The following ALCAM variants were observed in gnomAD, a reference collection of about 807,000 sequenced individuals.
The protein encoded by ALCAM is CD166 antigen.
In ALCAM, 30 loss-of-function variants were observed where a neutral mutation model predicts 70.9. That is an observed-to-expected ratio of 0.42 (90% CI 0.32 to 0.57). ALCAM has a LOEUF of 0.57. Ranked by LOEUF, ALCAM falls within the 20% of genes least tolerant of loss-of-function variation. The pLI, the probability that ALCAM is intolerant of heterozygous loss-of-function variation, is 0.11. For synonymous variants in ALCAM, 249 were observed against 242.5 expected (o/e 1.03, Z -0.25); for missense variants, 591 against 695.1 (o/e 0.85, Z 1.68).
intron 1 of ALCAM, among the ~76,000 whole-genome samples, chr3:105,454,335 A>G (rs1314432895): frequency 6.6e-6 from 1 of 152,216 alleles, no homozygotes; most frequent in East Asian, 1.9e-4. Context: ...TATTTTAAGC[A>G]AAAAGATAAT....
chr3:105,373,719 A>G (rs560544327), intron 1 of ALCAM, among the ~76,000 whole-genome samples: 37 of 152,338 alleles, frequency 2.4e-4, no homozygotes, highest in Non-Finnish European at 4.3e-4. Flanking sequence ...AATACCAAAT[A>G]TCATCTTTGT....
At chr3:105,456,491 C>T (rs1026697747) in intron 1 of ALCAM, among the ~76,000 whole-genome samples, 4 of 152,040 alleles carry the variant, frequency 2.6e-5, no homozygotes, top group African/African-American at 9.7e-5. Context: ...CTATGTATTC[C>T]CAGAAAAAAA....
intron 6 of ALCAM, among the ~76,000 whole-genome samples, chr3:105,539,363 G>A (rs1039256308): frequency 6.6e-6 from 1 of 152,020 alleles, no homozygotes; most frequent in Non-Finnish European, 1.5e-5. Flanking sequence ...TGGAATGAAA[G>A]TTGCATCTTG....
At chr3:105,454,589 C>G (rs1213450123) in intron 1 of ALCAM, among the ~76,000 whole-genome samples, 1 of 143,326 alleles carries the variant, frequency 7.0e-6, no homozygotes, top group East Asian at 2.2e-4. Flanking sequence ...CAAATAAGTT[C>G]TTCAACATTG....
intron 6 of ALCAM, among the ~76,000 whole-genome samples, chr3:105,538,873 C>A (rs1028159035): frequency 3.9e-5 from 6 of 152,076 alleles, no homozygotes; most frequent in African/African-American, 1.4e-4. Context: ...TTCAGAGATG[C>A]CCAAGCATAG....
chr3:105,540,821 C>T (rs1281865211), intron 7 of ALCAM, among the ~76,000 whole-genome samples: 1 of 151,932 alleles, frequency 6.6e-6, no homozygotes, highest in Non-Finnish European at 1.5e-5. Flanking sequence ...TTTCATCTAC[C>T]ACAGTACTCA....
intron 1 of ALCAM, among the ~76,000 whole-genome samples, chr3:105,391,425 C>A (rs1181892743): frequency 6.6e-6 from 1 of 151,700 alleles, no homozygotes; most frequent in Non-Finnish European, 1.5e-5. Context: ...AGGAATGCTG[C>A]TTATTTTTGT....
chr3:105,371,934 T>C (rs1935246712), intron 1 of ALCAM, among the ~76,000 whole-genome samples: 2 of 152,202 alleles, frequency 1.3e-5, no homozygotes, highest in South Asian at 4.1e-4. Context: ...GAGGCTAATC[T>C]CATTTCTTAC....
intron 1 of ALCAM, among the ~76,000 whole-genome samples, chr3:105,508,578 T>G (rs1435398337): frequency 2.0e-5 from 3 of 152,312 alleles, no homozygotes; most frequent in Admixed American, 6.5e-5. Flanking sequence ...ACCAATTGCT[T>G]TAATGTATTT....
chr3:105,522,270 C>G (rs1559820281), intron 2 of ALCAM, among the ~76,000 whole-genome samples: 1 of 152,076 alleles, frequency 6.6e-6, no homozygotes, highest in Non-Finnish European at 1.5e-5. Flanking sequence ...GCACTATATG[C>G]TCTAAAGTCA....
chr3:105,567,187 T>C (rs1230930262), intron 14 of ALCAM, among the ~76,000 whole-genome samples: 1 of 152,218 alleles, frequency 6.6e-6, no homozygotes, highest in African/African-American at 2.4e-5. Context: ...TTATATTTGC[T>C]TTTGGTTAGT....
intron 1 of ALCAM, among the ~76,000 whole-genome samples, chr3:105,489,186 C>A (rs1316776856): frequency 1.3e-5 from 2 of 152,098 alleles, no homozygotes; most frequent in Non-Finnish European, 2.9e-5. Context: ...GTGTTCTGCT[C>A]AAAATCAATG....
Position 105,534,748 on chromosome 3 carries a change from G to T in ALCAM, c.633G>T (p.Lys211Asn). 1 of 1,613,780 alleles carries T rather than the reference G, an allele frequency of 6.2e-7. No individual in the cohort carries two copies. Among genetic ancestry groups the T allele is most frequent in the Non-Finnish European group, 8.5e-7 (1 of 1,179,808 alleles). ...CCACCCTGGAGTACAAGACAACCAA[G>T]GCTGACATACAAATGCCATTCACCT... ...MTSTLEYKTT[K>N]ADIQMPFTCS... The change falls in exon 6 of 16, where the codon AAG becomes AAT. Residue 211 changes from lysine (K) to asparagine (N), a missense_variant. Coordinates refer to ENST00000306107, the MANE Select transcript of ALCAM (RefSeq NM_001627.4).
At chr3:105,374,324 G>A (rs1935321610) in intron 1 of ALCAM, among the ~76,000 whole-genome samples, 1 of 152,038 alleles carries the variant, frequency 6.6e-6, no homozygotes, top group African/African-American at 2.4e-5. Flanking sequence ...GGGAGGCCGA[G>A]GCGGGCGGAT....
At chr3:105,393,423 A>G (rs1343124797) in intron 1 of ALCAM, among the ~76,000 whole-genome samples, 1 of 151,870 alleles carries the variant, frequency 6.6e-6, no homozygotes, top group Non-Finnish European at 1.5e-5. Context: ...CATAAGAGGA[A>G]TTTAAATTTT....
At position 105,545,354 on chromosome 3, in the gene ALCAM, A is replaced by G. The variant is rs760123419; in HGVS notation, c.1104+19A>G. On this transcript the variant is annotated intron_variant, in intron 9 of 15. Coordinates refer to ENST00000306107, the MANE Select transcript of ALCAM (RefSeq NM_001627.4). ...GATGAAAGTAAGTAATATTTTTGGT[A>G]CTACCCTGCTGTTTGGTTTGATTTC... 6.4e-7 allele frequency: 1 copy of G among 1,550,692 alleles called. No homozygotes were observed. The highest frequency in any genetic ancestry group is 8.9e-7 in the Non-Finnish European group (1 of 1,124,332).
At chr3:105,500,088 G>T (rs1256769469) in intron 1 of ALCAM, among the ~76,000 whole-genome samples, 2 of 152,110 alleles carry the variant, frequency 1.3e-5, no homozygotes, top group Non-Finnish European at 2.9e-5. Flanking sequence ...ATCCTCACTG[G>T]AGGTTTTGTT....
chr3:105,533,622 A>G lies in ALCAM; in HGVS notation c.479A>G (p.Glu160Gly). 6.2e-7 allele frequency: 1 copy of G among 1,611,848 alleles called. No individual in the cohort carries two copies. Among genetic ancestry groups the G allele is most frequent in the South Asian group, 1.1e-5 (1 of 90,992 alleles). Residue 160 changes from glutamate to glycine, a missense_variant, in exon 5 of 16, where the codon GAA (glutamate) becomes GGA (glycine). This residue lies in a region of ALCAM where 427 missense variants were observed against 450.4 expected (regional missense o/e 0.95). Transcript: ENST00000306107. ...TTGCAGTTGGGTGACTGCATTTCAG[A>G]AGACAGTTATCCAGATGGCAATATC... ...QLKKLGDCIS[E>G]DSYPDGNITW... is the part of the protein sequence containing the mutation.
intron 1 of ALCAM, among the ~76,000 whole-genome samples, chr3:105,486,300 C>A (rs144339595): frequency 6.6e-6 from 1 of 152,156 alleles, no homozygotes. Context: ...AAAATGCTTT[C>A]ATACATAATG....
Sources: allele counts gnomAD v4.1 joint callset (sites outside exome capture counted in the v4.1 genomes callset), GRCh38; gene constraint gnomAD v4.1.1; regional missense constraint gnomAD v4.1.1; transcripts MANE v1.5; gene names NCBI Gene and HGNC (gene_info 2026-07-23, HGNC 2026-07-21).